DLG1: variants seen among roughly 807,000 people sequenced by gnomAD.
DLG1 encodes discs large MAGUK scaffold protein 1.
In DLG1, 42 loss-of-function variants were observed where a neutral mutation model predicts 123.4. That is an observed-to-expected ratio of 0.34 (90% CI 0.27 to 0.44). The LOEUF (loss-of-function observed/expected upper bound fraction) is 0.44, where lower values mean the gene tolerates loss of function less well. DLG1 is among the 20% of genes least tolerant of loss of function. The pLI is 1.00. For synonymous variants in DLG1, 317 were observed against 356.2 expected, an observed-to-expected ratio of 0.89 and a Z score of 1.24; for missense variants, 942 against 1,082.6, an observed-to-expected ratio of 0.87 and a Z score of 1.82.
intron 5 of DLG1, among the ~76,000 whole-genome samples, chr3:197,172,914 C>T (rs1355608530): frequency 1.3e-5 from 2 of 152,154 alleles, no homozygotes; most frequent in Non-Finnish European, 2.9e-5. Flanking sequence ...ATTCAAACTG[C>T]ATTAGGAAGT....
intron 4 of DLG1, among the ~76,000 whole-genome samples, chr3:197,276,266 C>T (rs962842765): frequency 1.3e-5 from 2 of 152,180 alleles, no homozygotes; most frequent in African/African-American, 4.8e-5. Context: ...TTGGTTTCTA[C>T]TAATTAAGGC....
At chr3:197,270,982 TCAAAAAG>T (rs933163749) in intron 4 of DLG1, among the ~76,000 whole-genome samples, 5 of 152,282 alleles carry the variant, frequency 3.3e-5, no homozygotes, top group African/African-American at 1.2e-4. Context: ...CATGGTCTCT[TCAAAAAG>T]GTAATGTCAT....
intron 13 of DLG1, among the ~76,000 whole-genome samples, 188 bp downstream of exon 13, chr3:197,115,737 CCT>C (rs1156629976): frequency 2.0e-5 from 3 of 152,066 alleles, no homozygotes; most frequent in Admixed American, 6.5e-5. Flanking sequence ...AAAACTGACC[CCT>C]TTCTATAAAA....
chr3:197,251,376 C>T (rs752877375), intron 4 of DLG1, among the ~76,000 whole-genome samples: 24 of 152,098 alleles, frequency 1.6e-4, no homozygotes, highest in Middle Eastern at 3.2e-3. Context: ...GGAGGCATCA[C>T]GCTACTTGAC....
intron 18 of DLG1, among the ~76,000 whole-genome samples, chr3:197,072,713 A>T (rs1008997667): frequency 4.6e-5 from 7 of 151,320 alleles, no homozygotes; most frequent in Non-Finnish European, 1.0e-4. Flanking sequence ...CAAAAAAAAA[A>T]CCTGAGTCTT....
At position 197,130,818 on chromosome 3, in the gene DLG1, T is replaced by C. The variant is rs111346848; in HGVS notation, c.1021-147A>G. On this transcript the variant is annotated intron_variant, in intron 10 of 24. Coordinates refer to ENST00000667157, the MANE Select transcript of DLG1 (RefSeq NM_001366207.1). ...AGAAAATACCCATGTTTGATGTCTA[T>C]GATCTCAGTAAGTTGTTTATCATGA... The C allele has an allele frequency of 7.1e-3, 4,332 of 607,132 alleles. 64 individuals are homozygous for C. The highest frequency in any genetic ancestry group is 0.025 in the South Asian group (1,076 of 43,256). 37.6% of individuals were successfully genotyped at this position (607,132 alleles called of 1,614,324 possible). A position where few individuals can be genotyped will look rare whatever the true frequency, so the allele number is the denominator to read the frequency against.
At chr3:197,120,273 GAA>G (rs3050713) in intron 11 of DLG1, among the ~76,000 whole-genome samples, 43,761 of 127,664 alleles carry the variant, frequency 0.34, 6,958 homozygotes, top group African/African-American at 0.43. Flanking sequence ...TCTCGAGAAA[GAA>G]AAAAAAAAAA....
At chr3:197,097,782 G>A (rs113862425) in intron 14 of DLG1, among the ~76,000 whole-genome samples, 2,424 of 148,956 alleles carry the variant, frequency 0.016, 67 homozygotes, top group African/African-American at 0.055. Context: ...GGGTTTCACC[G>A]TGTTGACCAG....
intron 5 of DLG1, among the ~76,000 whole-genome samples, chr3:197,193,852 T>G (rs1720989552): frequency 6.6e-6 from 1 of 151,908 alleles, no homozygotes; most frequent in Non-Finnish European, 1.5e-5. Context: ...ATGGAGTTAT[T>G]GCTGTCGCCC....
At chr3:197,153,127 C>CAAAAA (rs1394226436) in intron 5 of DLG1, among the ~76,000 whole-genome samples, 1 of 152,168 alleles carries the variant, frequency 6.6e-6, no homozygotes, top group Non-Finnish European at 1.5e-5. Flanking sequence ...GCAAAACTCA[C>CAAAAA]AAACTCCAGA....
At chr3:197,280,971 A>G (rs1769004893) in intron 4 of DLG1, among the ~76,000 whole-genome samples, 1 of 151,908 alleles carries the variant, frequency 6.6e-6, no homozygotes, top group East Asian at 1.9e-4. Flanking sequence ...ACATCTCAAC[A>G]TGGCAGAAAG....
chr3:197,251,426 G>A (rs1245099422), intron 4 of DLG1, among the ~76,000 whole-genome samples: 1 of 152,020 alleles, frequency 6.6e-6, no homozygotes, highest in African/African-American at 2.4e-5. Flanking sequence ...AAATAAGCAC[G>A]GTACTGGAAT....
chr3:197,051,833 ATTTTTTT>A (rs35979905), intron 23 of DLG1, among the ~76,000 whole-genome samples, 165 bp from the exon 24 acceptor site: 21 of 90,290 alleles, frequency 2.3e-4, no homozygotes, highest in East Asian at 4.4e-4. Flanking sequence ...ATTTCTGGGA[ATTTTTTT>A]TTTTTTTTTT....
intron 13 of DLG1, among the ~76,000 whole-genome samples, chr3:197,108,080 A>C (rs1187057478): frequency 2.6e-5 from 4 of 152,104 alleles, no homozygotes; most frequent in Non-Finnish European, 5.9e-5. Context: ...CATGTGCTTT[A>C]TGTCCTTTAT....
intron 5 of DLG1, chr3:197,184,093 C>T (rs529875793): frequency 2.7e-5 from 32 of 1,174,522 alleles, no homozygotes; most frequent in Admixed American, 1.3e-4. Flanking sequence ...TTTTCACCAG[C>T]GTCTGCAGGA....
intron 6 of DLG1, among the ~76,000 whole-genome samples, chr3:197,143,628 C>G (rs886415964): frequency 2.0e-5 from 3 of 152,182 alleles, no homozygotes; most frequent in Non-Finnish European, 4.4e-5. Context: ...CTAGAAATAT[C>G]CAAACTCTAT....
intron 13 of DLG1, among the ~76,000 whole-genome samples, chr3:197,114,309 A>T (rs370275451): frequency 5.9e-5 from 9 of 152,226 alleles, no homozygotes; most frequent in East Asian, 1.9e-4. Context: ...CATTTTAGTG[A>T]AACTGCAGCA....
At chr3:197,058,964 C>T (rs749185447) in intron 23 of DLG1, among the ~76,000 whole-genome samples, 3 of 152,108 alleles carry the variant, frequency 2.0e-5, no homozygotes, top group Non-Finnish European at 2.9e-5. Context: ...CTCGCTCTGC[C>T]GCCCAGGCTG....
At chr3:197,047,852 A>G (rs1006059619) in intron 24 of DLG1, among the ~76,000 whole-genome samples, 1 of 152,198 alleles carries the variant, frequency 6.6e-6, no homozygotes, top group Non-Finnish European at 1.5e-5. Context: ...GCGCCTTCAC[A>G]CTGGTCTTGG....
Sources: allele counts gnomAD v4.1 joint callset (sites outside exome capture counted in the v4.1 genomes callset), GRCh38; gene constraint gnomAD v4.1.1; transcripts MANE v1.5; gene names NCBI Gene and HGNC (gene_info 2026-07-23, HGNC 2026-07-21).